The following VPS13D variants were observed in gnomAD, a reference collection of about 807,000 sequenced individuals.
The protein encoded by VPS13D is vacuolar protein sorting 13 homolog D, also known as intermembrane lipid transfer protein VPS13D.
VPS13D carries 187 observed loss-of-function variants against 461.9 expected under a neutral mutation model. The ratio of observed to expected loss-of-function variants is 0.40; its 90% CI spans 0.36 to 0.46. VPS13D has a LOEUF of 0.46. VPS13D is among the 20% of genes least tolerant of loss of function. The pLI is 0.60. For synonymous variants in VPS13D, 1,951 were observed against 1,986.3 expected (o/e 0.98, Z 0.47); for missense variants, 4,711 against 5,364.9 (o/e 0.88, Z 3.81).
chr1:12,497,368 C>A, intron 67 of VPS13D, 132 bp from the exon 68 acceptor site: 1 of 1,086,648 alleles, frequency 9.2e-7, no homozygotes, highest in Non-Finnish European at 1.3e-6. Flanking sequence ...ACAGGCAGTA[C>A]TGTAGGTTAA....
chr1:12,416,536 T>C (rs2100236207), intron 64 of VPS13D, 124 bp from the exon 65 acceptor site: 1 of 1,031,158 alleles, frequency 9.7e-7, no homozygotes, highest in Admixed American at 3.0e-5. Context: ...GCTTTTAATC[T>C]CGTTACTTGT....
intron 37 of VPS13D, among the ~76,000 whole-genome samples, chr1:12,331,684 C>T (rs1643336013): frequency 6.8e-6 from 1 of 146,406 alleles, no homozygotes; most frequent in Non-Finnish European, 1.5e-5. Flanking sequence ...TGCACTCCAG[C>T]CTAGGCGACA....
intron 44 of VPS13D, 93 bp downstream of exon 44, chr1:12,346,745 C>T: frequency 8.1e-7 from 1 of 1,239,232 alleles, no homozygotes; most frequent in Admixed American, 2.3e-5. Flanking sequence ...ATCAGAGAAA[C>T]TTTATGACAT....
chr1:12,460,440 G>A, intron 67 of VPS13D, 44 bp downstream of exon 67: 1 of 1,497,694 alleles, frequency 6.7e-7, no homozygotes, highest in Non-Finnish European at 8.9e-7. Flanking sequence ...TCCAGCCTAG[G>A]TCTGCTGCTT....
intron 46 of VPS13D, 38 bp downstream of exon 46, chr1:12,349,412 T>G (rs774992373): frequency 2.2e-6 from 3 of 1,385,966 alleles, no homozygotes; most frequent in Non-Finnish European, 3.0e-6. Flanking sequence ...CACTTTTGCC[T>G]TTTTTTTTTC....
intron 31 of VPS13D, 140 bp from the exon 32 acceptor site, chr1:12,319,357 A>G: frequency 8.3e-7 from 1 of 1,198,214 alleles, no homozygotes; most frequent in Non-Finnish European, 1.2e-6. Context: ...CTGTTAGTAA[A>G]TGTCAGCAGA....
intron 24 of VPS13D, among the ~76,000 whole-genome samples, chr1:12,297,037 G>C (rs961454618): frequency 6.6e-6 from 1 of 152,208 alleles, no homozygotes; most frequent in Non-Finnish European, 1.5e-5. Context: ...AAGAGAAGCT[G>C]ATCTTCTCAA....
intron 5 of VPS13D, among the ~76,000 whole-genome samples, chr1:12,247,764 C>T (rs930408638): frequency 2.0e-5 from 3 of 147,798 alleles, no homozygotes; most frequent in Non-Finnish European, 3.0e-5. Flanking sequence ...AATGTGGTGG[C>T]GTGATCTCGG....
At chr1:12,452,189 T>TTGG (rs1465276665) in intron 65 of VPS13D, among the ~76,000 whole-genome samples, 1 of 152,246 alleles carries the variant, frequency 6.6e-6, no homozygotes, top group Non-Finnish European at 1.5e-5. Flanking sequence ...GTTGGATTGC[T>TTGG]TGGTTGACTG....
At chr1:12,402,990 C>T (rs1304086035) in intron 62 of VPS13D, among the ~76,000 whole-genome samples, 3 of 152,222 alleles carry the variant, frequency 2.0e-5, no homozygotes, top group Admixed American at 6.5e-5. Flanking sequence ...TACCTGCCAT[C>T]CTGTCTGTAG....
At chr1:12,490,116 C>T (rs986001614) in intron 67 of VPS13D, among the ~76,000 whole-genome samples, 16 of 152,176 alleles carry the variant, frequency 1.1e-4, no homozygotes, top group Non-Finnish European at 2.2e-4. Context: ...CTGGCCTCTG[C>T]ATATGATAGT....
intron 8 of VPS13D, 50 bp downstream of exon 8, chr1:12,256,553 G>A (rs1313451213): frequency 1.3e-6 from 2 of 1,591,450 alleles, no homozygotes; most frequent in Admixed American, 3.5e-5. Flanking sequence ...ACTGGTGACT[G>A]CAGTGAAAGT....
intron 26 of VPS13D, among the ~76,000 whole-genome samples, chr1:12,306,212 C>T (rs1642560856): frequency 6.6e-6 from 1 of 152,166 alleles, no homozygotes. Context: ...TCTCGATCTC[C>T]TGACCTCGTG....
At chr1:12,332,873 T>C (rs755291129) in intron 37 of VPS13D, among the ~76,000 whole-genome samples, 5 of 152,182 alleles carry the variant, frequency 3.3e-5, no homozygotes, top group African/African-American at 7.2e-5. Flanking sequence ...TAAGACACTT[T>C]ATTATTTTTC....
chr1:12,349,259 G>A lies in VPS13D; in HGVS notation c.9316G>A (p.Gly3106Ser). 1.9e-6 allele frequency: 3 copies of A among 1,614,086 alleles called. No homozygotes were observed. The highest frequency in any genetic ancestry group is 2.5e-6 in the Non-Finnish European group (3 of 1,180,020). ...GCTACAGGCCCGGCCCAAAGGATTG[G>A]GTGTATTTTTCTGTAAGGCTCCCAT... ...WRLQARPKGLGVFFCKAPIHW... is the reference protein window; with the variant it reads ...WRLQARPKGLSVFFCKAPIHW... The change falls in exon 46 of 70, where the codon GGT (glycine) becomes AGT (serine). Residue 3106 changes from glycine (G) to serine (S), a missense_variant. Around this residue, in one of 3 missense-constraint regions of VPS13D, gnomAD observed 4,411 missense variants for 4,937.8 expected, o/e 0.89. Coordinates refer to ENST00000620676, the MANE Select transcript of VPS13D (RefSeq NM_015378.4).
chr1:12,323,265 G>A (rs537474120), intron 34 of VPS13D, among the ~76,000 whole-genome samples: 67 of 151,744 alleles, frequency 4.4e-4, no homozygotes, highest in Non-Finnish European at 6.5e-4. Flanking sequence ...TTTTAGAGAC[G>A]GGGTCTTGCT....
intron 65 of VPS13D, among the ~76,000 whole-genome samples, chr1:12,454,850 T>C (rs989634719): frequency 2.0e-5 from 3 of 152,286 alleles, no homozygotes; most frequent in African/African-American, 7.2e-5. Flanking sequence ...TCCTGGGTCA[T>C]TGGCACTTAA....
At chr1:12,233,454 C>T (rs966982631) in intron 1 of VPS13D, among the ~76,000 whole-genome samples, 9 of 152,244 alleles carry the variant, frequency 5.9e-5, no homozygotes, top group South Asian at 4.1e-4. Flanking sequence ...TAGCAGCTTC[C>T]GTGGTCTTTA....
At chr1:12,471,617 A>G (rs550846583) in intron 67 of VPS13D, among the ~76,000 whole-genome samples, 1 of 152,162 alleles carries the variant, frequency 6.6e-6, no homozygotes, top group Non-Finnish European at 1.5e-5. Context: ...TTATACATAC[A>G]TGTTTCCTTT....
Sources: gnomAD v4.1 joint callset for allele counts (sites outside exome capture counted in the v4.1 genomes callset) on GRCh38, gnomAD v4.1.1 for gene constraint, gnomAD v4.1.1 regional missense constraint, MANE v1.5 for transcripts, NCBI Gene and HGNC (gene_info 2026-07-23, HGNC 2026-07-21) for gene names.